Variants in AFDN observed in about 807,000 individuals in gnomAD.
AFDN encodes the protein afadin.
AFDN carries 68 observed loss-of-function variants against 216.6 expected under a neutral mutation model. The observed-to-expected ratio is 0.31, with a 90% CI of 0.26 to 0.38. The LOEUF (loss-of-function observed/expected upper bound fraction) is 0.38. Among genes scored for constraint, AFDN ranks in the 10% least tolerant of loss-of-function variants. The pLI is 1.00. For missense variants in AFDN, 2,136 were observed against 2,342.0 expected (o/e 0.91, Z 1.82); for synonymous variants, 868 against 853.7 (o/e 1.02, Z -0.29).
At chr6:167,953,079 A>G (rs1796169734) in intron 30 of AFDN, among the ~76,000 whole-genome samples, 1 of 152,232 alleles carries the variant, frequency 6.6e-6, no homozygotes, top group Non-Finnish European at 1.5e-5. Flanking sequence ...ATTAATTTAT[A>G]GAGAATGCTA....
At chr6:167,873,629 C>T (rs1785022803) in intron 4 of AFDN, among the ~76,000 whole-genome samples, 2 of 152,160 alleles carry the variant, frequency 1.3e-5, no homozygotes, top group South Asian at 4.1e-4. Flanking sequence ...CGGCAGACAG[C>T]CCCGTACTGT....
chr6:167,912,723 C>T (rs1790560406), intron 15 of AFDN, among the ~76,000 whole-genome samples: 1 of 152,172 alleles, frequency 6.6e-6, no homozygotes, highest in African/African-American at 2.4e-5. Context: ...CCTTGATAGC[C>T]TTTTCCTTAT....
chr6:167,864,979 C>A, intron 2 of AFDN: 2 of 664,886 alleles, frequency 3.0e-6, no homozygotes, highest in Admixed American at 2.1e-5. Flanking sequence ...ATTAATTTTG[C>A]ATATGCTTAT....
chr6:167,924,907 T>G (rs1792309028), intron 22 of AFDN, 98 bp from the exon 23 acceptor site: 1 of 855,972 alleles, frequency 1.2e-6, no homozygotes, highest in African/African-American at 1.7e-5. Context: ...TTTCCCCATT[T>G]GCTCCAGTGA....
chr6:167,953,170 A>G (rs779304027), intron 30 of AFDN, among the ~76,000 whole-genome samples: 3 of 152,162 alleles, frequency 2.0e-5, no homozygotes, highest in Non-Finnish European at 4.4e-5. Flanking sequence ...AAAGATGGCC[A>G]GAGCCATGTT....
rs548533684 is a variant in AFDN at position 167,833,476 on chromosome 6, A to G, written c.105+6239A>G. Among the ~76,000 whole-genome samples the G allele has an allele frequency of 2.0e-5, 3 of 152,326 alleles. No homozygotes were observed. In the East Asian group the frequency reaches 5.8e-4, roughly 29 times the overall value. The stretch of plus-strand genomic sequence containing the variant: ...CTAGCAAGTTCTCTTGCTTGAGTTC[A>G]TACATGTTCTATTAAAGGAAAATCA... On this transcript the variant is annotated intron_variant, in intron 1 of 33. Coordinates refer to ENST00000683244, the MANE Select transcript of AFDN (RefSeq NM_001386888.1).
intron 31 of AFDN, chr6:167,963,567 A>G: frequency 9.5e-7 from 1 of 1,058,166 alleles, no homozygotes; most frequent in South Asian, 4.6e-5. Flanking sequence ...TAAGCTTGAT[A>G]GACATGATGT....
intron 29 of AFDN, 56 bp downstream of exon 29, chr6:167,948,534 G>A: frequency 1.4e-6 from 2 of 1,480,822 alleles, no homozygotes. Context: ...GACACACTGA[G>A]TTCTGAGACA....
At position 167,911,128 on chromosome 6, in the gene AFDN, G is replaced by C. The variant is rs149241451; in HGVS notation, c.1797G>C (p.Leu599=). ...CACAGGATGCTTCTGGGCCTGAGCT[G>C]ATACTACCTGCAAGCATTGAATTCA... The part of the protein sequence containing the change: ...SRTQDASGPE[L]ILPASIEFRE... Residue 599 remains leucine (L), a synonymous_variant, in exon 14 of 34, where the codon CTG becomes CTC. Transcript: ENST00000683244. 1 of 1,613,944 alleles carries C rather than the reference G, an allele frequency of 6.2e-7. No homozygotes were observed. The highest frequency in any genetic ancestry group is 1.3e-5 in the African/African-American group (1 of 75,022).
chr6:167,850,936 G>C (rs140121473), intron 1 of AFDN, among the ~76,000 whole-genome samples: 1 of 151,840 alleles, frequency 6.6e-6, no homozygotes, highest in Non-Finnish European at 1.5e-5. Flanking sequence ...AGCTGGAGCC[G>C]ATCTCGGCTC....
rs779343002 is a variant in AFDN at position 167,918,789 on chromosome 6, C to T, written c.2764C>T (p.Arg922Cys). The T allele has an allele frequency of 7.4e-6, 12 of 1,613,420 alleles. No individual in the cohort carries two copies. Among genetic ancestry groups the T allele is most frequent in the Non-Finnish European group, 5.1e-6 (6 of 1,179,686 alleles). Reference sequence around the variant, plus strand: ...TGAAAACACTGCCGATGAGCTGGCCCGCAGTGATGGAAGGGAAGTGCAGTT... The same window carrying T: ...TGAAAACACTGCCGATGAGCTGGCCTGCAGTGATGGAAGGGAAGTGCAGTT... The part of the protein sequence containing the change: ...VAENTADELA[R>C]SDGREVQLEE... Residue 922 changes from arginine to cysteine, a missense_variant, in exon 21 of 34, where the codon CGC becomes TGC. Physicochemically the swap from Arg to Cys is radical, Grantham distance 180 (BLOSUM62 -3). Coordinates refer to ENST00000683244, the MANE Select transcript of AFDN (RefSeq NM_001386888.1).
intron 3 of AFDN, 44 bp from the exon 4 acceptor site, chr6:167,872,170 A>G: frequency 7.0e-6 from 11 of 1,569,504 alleles, no homozygotes; most frequent in Non-Finnish European, 9.5e-6. Context: ...ATTTTATGTG[A>G]TTCTGCATAG....
At chr6:167,886,538 C>A (rs751388074) in intron 6 of AFDN, among the ~76,000 whole-genome samples, 3 of 152,056 alleles carry the variant, frequency 2.0e-5, no homozygotes, top group Non-Finnish European at 4.4e-5. Flanking sequence ...AGCTCTGTTA[C>A]AATCCTGGGC....
At chr6:167,826,728 A>G (rs941777001), upstream of AFDN, 24 of 397,438 alleles carry the variant, frequency 6.0e-5, no homozygotes, top group African/African-American at 5.0e-4. Context: ...ACGGAACCCT[A>G]GCACCGCGCG....
intron 22 of AFDN, 113 bp downstream of exon 22, chr6:167,923,072 T>C: frequency 1.4e-6 from 1 of 722,356 alleles, no homozygotes; most frequent in East Asian, 2.8e-5. Flanking sequence ...AGTTTTAAAA[T>C]CGCTGTTAAA....
intron 23 of AFDN, among the ~76,000 whole-genome samples, chr6:167,938,025 G>A (rs1794220899): frequency 6.6e-6 from 1 of 152,188 alleles, no homozygotes; most frequent in African/African-American, 2.4e-5. Flanking sequence ...GGAGGAAGGA[G>A]CCATTTGCAG....
chr6:167,960,884 G>A (rs1796970758), intron 30 of AFDN, among the ~76,000 whole-genome samples: 1 of 152,166 alleles, frequency 6.6e-6, no homozygotes, highest in Non-Finnish European at 1.5e-5. Context: ...GTATGGATAG[G>A]TTGTCCTAAA....
intron 6 of AFDN, among the ~76,000 whole-genome samples, chr6:167,888,114 G>T (rs1367045956): frequency 2.6e-5 from 4 of 152,188 alleles, no homozygotes. Context: ...GATAAAGATT[G>T]AGACTAAAGA....
intron 1 of AFDN, among the ~76,000 whole-genome samples, chr6:167,856,122 G>A (rs947718047): frequency 1.3e-5 from 2 of 152,084 alleles, no homozygotes; most frequent in Non-Finnish European, 2.9e-5. Context: ...ACATATAGCT[G>A]CCTCATTTAT....
Sources: gnomAD v4.1 joint callset for allele counts (sites outside exome capture counted in the v4.1 genomes callset) on GRCh38, gnomAD v4.1.1 for gene constraint, MANE v1.5 for transcripts, NCBI Gene and HGNC (gene_info 2026-07-23, HGNC 2026-07-21) for gene names.